Variants in INPP4B observed in about 807,000 individuals in gnomAD.
INPP4B encodes inositol polyphosphate-4-phosphatase type II B, also known as inositol polyphosphate 4-phosphatase type II.
A neutral mutation model predicts 122.5 loss-of-function variants in INPP4B; 55 were observed. The ratio of observed to expected loss-of-function variants is 0.45; its 90% CI spans 0.36 to 0.56. The LOEUF is 0.56. Among genes scored for constraint, INPP4B ranks in the 20% least tolerant of loss-of-function variants. INPP4B has a pLI of 0.00. For synonymous variants in INPP4B, 403 were observed against 388.7 expected (o/e 1.04, Z -0.43); for missense variants, 1,000 against 1,097.7 (o/e 0.91, Z 1.26).
intron 9 of INPP4B, among the ~76,000 whole-genome samples, chr4:142,287,839 T>C (rs989838144): frequency 1.3e-5 from 2 of 152,162 alleles, no homozygotes; most frequent in African/African-American, 4.8e-5. Flanking sequence ...CATATAAAAC[T>C]GAAGAACTTA....
intron 7 of INPP4B, among the ~76,000 whole-genome samples, chr4:142,360,046 A>T (rs554123702): frequency 2.1e-3 from 323 of 152,136 alleles, no homozygotes; most frequent in Non-Finnish European, 3.9e-3. Context: ...GTTAAATTTC[A>T]TATATAAGAG....
chr4:142,076,622 T>C (rs750577416), intron 25 of INPP4B, among the ~76,000 whole-genome samples: 2 of 152,026 alleles, frequency 1.3e-5, no homozygotes, highest in South Asian at 2.1e-4. Flanking sequence ...CCAATTACGA[T>C]GTTCCCTACA....
chr4:142,114,743 T>C (rs1433634558), intron 21 of INPP4B, among the ~76,000 whole-genome samples: 1 of 152,078 alleles, frequency 6.6e-6, no homozygotes, highest in African/African-American at 2.4e-5. Flanking sequence ...ATGGTGTTCT[T>C]TTGATGCTTA....
intron 25 of INPP4B, among the ~76,000 whole-genome samples, chr4:142,068,300 C>T (rs900951734): frequency 3.3e-5 from 5 of 152,144 alleles, no homozygotes; most frequent in Non-Finnish European, 5.9e-5. Context: ...TTGTCACCAC[C>T]AGGCCTGCCT....
At chr4:142,615,025 A>C (rs1452247631) in intron 2 of INPP4B, among the ~76,000 whole-genome samples, 1 of 152,196 alleles carries the variant, frequency 6.6e-6, no homozygotes, top group African/African-American at 2.4e-5. Context: ...TTTGATTCAG[A>C]AATTTCACTA....
chr4:142,823,421 A>C (rs1781039743), intron 1 of INPP4B, among the ~76,000 whole-genome samples: 1 of 152,188 alleles, frequency 6.6e-6, no homozygotes, highest in South Asian at 2.1e-4. Context: ...TAATAATAAA[A>C]GATGTAAAAA....
chr4:142,215,737 C>A (rs1158618895), intron 12 of INPP4B, among the ~76,000 whole-genome samples: 3 of 151,084 alleles, frequency 2.0e-5, no homozygotes, highest in African/African-American at 7.3e-5. Flanking sequence ...ACTAAAAATA[C>A]AAAAAATTAG....
chr4:142,220,190 T>C (rs1309645209), intron 12 of INPP4B, among the ~76,000 whole-genome samples: 1 of 152,230 alleles, frequency 6.6e-6, no homozygotes, highest in African/African-American at 2.4e-5. Flanking sequence ...GTTATCTTTT[T>C]TATTTAAATT....
intron 2 of INPP4B, among the ~76,000 whole-genome samples, chr4:142,511,202 A>G (rs779515948): frequency 1.3e-5 from 2 of 152,160 alleles, no homozygotes; most frequent in Non-Finnish European, 2.9e-5. Flanking sequence ...CAAGTCAAAG[A>G]ATAAAATCTC....
intron 1 of INPP4B, among the ~76,000 whole-genome samples, chr4:142,768,745 G>A (rs1772551769): frequency 6.6e-6 from 1 of 152,168 alleles, no homozygotes; most frequent in Non-Finnish European, 1.5e-5. Context: ...AGAACAGCCA[G>A]GGGATCAAAA....
intron 2 of INPP4B, among the ~76,000 whole-genome samples, chr4:142,550,620 ATT>A (rs35788366): frequency 3.2e-5 from 3 of 92,480 alleles, no homozygotes; most frequent in African/African-American, 6.6e-5. Flanking sequence ...ATATATATAT[ATT>A]TTTTTTTTTA....
intron 15 of INPP4B, among the ~76,000 whole-genome samples, chr4:142,190,214 T>TG (rs1835183348): frequency 2.0e-5 from 3 of 152,092 alleles, no homozygotes; most frequent in Non-Finnish European, 4.4e-5. Context: ...TTTGTTTTTT[T>TG]TTTTTTGGTG....
intron 25 of INPP4B, among the ~76,000 whole-genome samples, chr4:142,037,724 T>A (rs1744846105): frequency 6.6e-6 from 1 of 152,118 alleles, no homozygotes; most frequent in Admixed American, 6.6e-5. Flanking sequence ...ATCTGATGGA[T>A]CAATATTAAT....
intron 25 of INPP4B, among the ~76,000 whole-genome samples, chr4:142,040,845 G>T (rs1366818974): frequency 1.3e-5 from 2 of 152,156 alleles, no homozygotes; most frequent in Non-Finnish European, 1.5e-5. Flanking sequence ...CACTGCTCTA[G>T]TTTGTCATTC....
At chr4:142,601,293 A>G (rs1739847047) in intron 2 of INPP4B, among the ~76,000 whole-genome samples, 1 of 152,280 alleles carries the variant, frequency 6.6e-6, no homozygotes, top group Non-Finnish European at 1.5e-5. Flanking sequence ...AGGATAGACT[A>G]TATGTTAGGC....
At chr4:142,836,747 A>ACACACACAC (rs1782831204) in intron 1 of INPP4B, among the ~76,000 whole-genome samples, 2 of 96,724 alleles carry the variant, frequency 2.1e-5, no homozygotes, top group South Asian at 3.9e-4. Flanking sequence ...CACACACACA[A>ACACACACAC]GAAATACGAC....
chr4:142,809,436 G>C (rs1580970348), intron 1 of INPP4B, among the ~76,000 whole-genome samples: 1 of 152,098 alleles, frequency 6.6e-6, no homozygotes, highest in Non-Finnish European at 1.5e-5. Context: ...GTTCTAACAA[G>C]TGTTACAGAG....
chr4:142,322,288 A>G (rs953637851), intron 7 of INPP4B, among the ~76,000 whole-genome samples: 22 of 151,210 alleles, frequency 1.5e-4, no homozygotes, highest in African/African-American at 5.4e-4. Flanking sequence ...TTAATCTAAA[A>G]AAAAAACTAG....
chr4:142,534,109 AT>A (rs1405512521), intron 2 of INPP4B, among the ~76,000 whole-genome samples: 1 of 152,162 alleles, frequency 6.6e-6, no homozygotes, highest in Non-Finnish European at 1.5e-5. Flanking sequence ...GTGGATATGT[AT>A]CTTGATTGAC....
Sources: allele counts gnomAD v4.1 joint callset (sites outside exome capture counted in the v4.1 genomes callset), GRCh38; gene constraint gnomAD v4.1.1; transcripts MANE v1.5; gene names NCBI Gene and HGNC (gene_info 2026-07-23, HGNC 2026-07-21).